PRIM2: variants seen among roughly 807,000 people sequenced by gnomAD.
The protein encoded by PRIM2 is DNA primase subunit 2, also known as DNA primase large subunit.
Under a neutral mutation model 67.3 loss-of-function variants are expected in PRIM2, and 39 were observed. The ratio of observed to expected loss-of-function variants is 0.58; its 90% CI spans 0.45 to 0.76. The LOEUF (loss-of-function observed/expected upper bound fraction) is 0.76. Among genes scored for constraint, PRIM2 ranks in the 30% least tolerant of loss-of-function variants. PRIM2 has a pLI of 0.00. For synonymous variants in PRIM2, 143 were observed against 198.7 expected (o/e 0.72, Z 2.36); for missense variants, 398 against 598.7 (o/e 0.66, Z 3.50).
chr6:57,308,038 T>C, the PRIM2 span, among the ~76,000 whole-genome samples: 2 of 152,240 alleles, frequency 1.3e-5, no homozygotes, highest in Non-Finnish European at 2.9e-5. Context: ...TCGATATGCT[T>C]ACTGTAATTG....
chr6:57,453,470 A>G (rs1167489781), intron 7 of PRIM2, among the ~76,000 whole-genome samples: 102,049 of 151,588 alleles, frequency 0.67, 34,347 homozygotes, highest in South Asian at 0.74. Flanking sequence ...ATTGAGCAGC[A>G]GTTTGTAGTT....
intron 7 of PRIM2, among the ~76,000 whole-genome samples, chr6:57,504,190 G>C (rs1774204741): frequency 6.6e-6 from 1 of 152,176 alleles, no homozygotes; most frequent in African/African-American, 2.4e-5. Context: ...GAACGTATTT[G>C]ACATTTATTG....
intron 10 of PRIM2, among the ~76,000 whole-genome samples, chr6:57,584,692 C>A (rs1320748447): frequency 6.6e-6 from 1 of 152,040 alleles, no homozygotes; most frequent in South Asian, 2.1e-4. Flanking sequence ...ATTTTTAACA[C>A]CTTTTCAGGG....
At chr6:57,266,073 C>A in the PRIM2 span, among the ~76,000 whole-genome samples, 136 of 152,204 alleles carry the variant, frequency 8.9e-4, no homozygotes, top group Non-Finnish European at 1.7e-3. Context: ...AGAGCTTGAA[C>A]AAATAAGACA....
At chr6:57,415,654 A>G (rs1408438003) in intron 7 of PRIM2, among the ~76,000 whole-genome samples, 3 of 152,216 alleles carry the variant, frequency 2.0e-5, no homozygotes, top group Non-Finnish European at 4.4e-5. Context: ...GCATTATTTC[A>G]AAAGAATGAG....
rs1284137306 is a variant in PRIM2 at position 57,519,828 on chromosome 6, C to T, written c.761+12374C>T. Among the ~76,000 whole-genome samples, 22 of 152,116 alleles carry T rather than the reference C, an allele frequency of 1.4e-4. No individual in the cohort carries two copies. In the South Asian group the frequency reaches 2.3e-3, roughly 16 times the overall value. On this transcript the variant is annotated intron_variant, in intron 8 of 13. Coordinates refer to ENST00000615550, the MANE Select transcript of PRIM2 (RefSeq NM_000947.5). ...GCTTAGAGATTGCAGTAAAGACAGGCGTAAGAAATTATAAAAGTATTAATT... is the reference window on the plus strand; with the variant it reads ...GCTTAGAGATTGCAGTAAAGACAGGTGTAAGAAATTATAAAAGTATTAATT...
chr6:57,279,690 G>A, the PRIM2 span, among the ~76,000 whole-genome samples: 1 of 152,220 alleles, frequency 6.6e-6, no homozygotes, highest in Non-Finnish European at 1.5e-5. Context: ...TCTACTATGT[G>A]CTAGCACTGT....
At chr6:57,568,189 C>T (rs1775785646) in intron 10 of PRIM2, among the ~76,000 whole-genome samples, 1 of 152,044 alleles carries the variant, frequency 6.6e-6, no homozygotes, top group African/African-American at 2.4e-5. Flanking sequence ...TATTTGACCA[C>T]ATAAATCAGA....
chr6:57,520,078 G>A (rs1466560582), intron 8 of PRIM2, among the ~76,000 whole-genome samples: 2 of 152,160 alleles, frequency 1.3e-5, no homozygotes, highest in African/African-American at 4.8e-5. Flanking sequence ...ATGGCTATGT[G>A]AGACTGAAGT....
chr6:57,325,439 T>C (rs563726261), intron 4 of PRIM2, among the ~76,000 whole-genome samples: 8 of 152,058 alleles, frequency 5.3e-5, no homozygotes, highest in African/African-American at 1.9e-4. Context: ...GAGCTGGGAC[T>C]ATAGGCACAT....
At chr6:57,501,402 C>T (rs1314879053) in intron 7 of PRIM2, among the ~76,000 whole-genome samples, 2 of 151,978 alleles carry the variant, frequency 1.3e-5, no homozygotes, top group South Asian at 2.1e-4. Flanking sequence ...TGGGTTCAAG[C>T]GATTATCCTG....
At chr6:57,285,240 C>T in the PRIM2 span, among the ~76,000 whole-genome samples, 5 of 151,866 alleles carry the variant, frequency 3.3e-5, no homozygotes, top group Admixed American at 3.3e-4. Context: ...TTCCAAACAA[C>T]AAAAAAAGAG....
intron 7 of PRIM2, among the ~76,000 whole-genome samples, chr6:57,385,897 T>C (rs1770128913): frequency 6.6e-6 from 1 of 152,154 alleles, no homozygotes; most frequent in Non-Finnish European, 1.5e-5. Context: ...TATCAAAATT[T>C]ATCCATTCTA....
the PRIM2 span, among the ~76,000 whole-genome samples, chr6:57,224,951 A>G: frequency 1.3e-5 from 2 of 152,222 alleles, no homozygotes. Context: ...CCCATCCCAC[A>G]CTAGGAGGAG....
the PRIM2 span, among the ~76,000 whole-genome samples, chr6:57,230,474 T>C: frequency 6.6e-6 from 1 of 152,228 alleles, no homozygotes; most frequent in Non-Finnish European, 1.5e-5. Context: ...CAGTTTATCT[T>C]AGTGTATATG....
intron 3 of PRIM2, among the ~76,000 whole-genome samples, chr6:57,320,881 G>T (rs1194495000): frequency 1.3e-5 from 2 of 152,126 alleles, no homozygotes; most frequent in African/African-American, 2.4e-5. Context: ...AATGTATCCC[G>T]TGCAATACAG....
At chr6:57,355,534 C>G (rs1301031648) in intron 5 of PRIM2, among the ~76,000 whole-genome samples, 1 of 152,150 alleles carries the variant, frequency 6.6e-6, no homozygotes, top group Non-Finnish European at 1.5e-5. Context: ...TTTGTATTCT[C>G]CCTGGCTTGT....
intron 10 of PRIM2, among the ~76,000 whole-genome samples, chr6:57,592,816 T>C (rs1384081223): frequency 2.6e-5 from 4 of 151,982 alleles, no homozygotes; most frequent in Admixed American, 2.6e-4. Context: ...AGGAGTAATA[T>C]TTAGTCTTGT....
chr6:57,627,087 T>C (rs1156272756), intron 12 of PRIM2, among the ~76,000 whole-genome samples: 1 of 150,956 alleles, frequency 6.6e-6, no homozygotes, highest in Non-Finnish European at 1.5e-5. Context: ...TTAAGAACAG[T>C]CTGGCCAACA....
Sources: allele counts gnomAD v4.1 joint callset (sites outside exome capture counted in the v4.1 genomes callset), GRCh38; gene constraint gnomAD v4.1.1; transcripts MANE v1.5; gene names NCBI Gene and HGNC (gene_info 2026-07-23, HGNC 2026-07-21).